Variants in GABRG3 observed in about 807,000 individuals in gnomAD.
GABRG3 encodes gamma-aminobutyric acid receptor subunit gamma-3.
In GABRG3, 25 loss-of-function variants were observed where a neutral mutation model predicts 48.8. The ratio of observed to expected loss-of-function variants is 0.51; its 90% CI spans 0.37 to 0.72. The LOEUF (loss-of-function observed/expected upper bound fraction) is 0.72, where lower values mean the gene tolerates loss of function less well. Among genes scored for constraint, GABRG3 ranks in the 30% least tolerant of loss-of-function variants. The pLI, the probability that GABRG3 is intolerant of heterozygous loss-of-function variation, is 0.00. For missense variants in GABRG3, 394 were observed against 577.9 expected, an observed-to-expected ratio of 0.68 and a Z score of 3.26; for synonymous variants, 227 against 217.6, an observed-to-expected ratio of 1.04 and a Z score of -0.38.
At chr15:27,048,581 G>T (rs1234372667) in intron 3 of GABRG3, among the ~76,000 whole-genome samples, 3 of 152,108 alleles carry the variant, frequency 2.0e-5, no homozygotes, top group Non-Finnish European at 2.9e-5. Flanking sequence ...AAAACAGGCA[G>T]GTTTCGGTCC....
intron 2 of GABRG3, among the ~76,000 whole-genome samples, chr15:26,996,547 T>G (rs1477537777): frequency 1.3e-5 from 2 of 152,124 alleles, no homozygotes; most frequent in Admixed American, 1.3e-4. Flanking sequence ...ATGAATTCCT[T>G]TGTGTTTTTC....
At chr15:27,073,776 G>A (rs997174276) in intron 3 of GABRG3, among the ~76,000 whole-genome samples, 4 of 152,202 alleles carry the variant, frequency 2.6e-5, no homozygotes, top group African/African-American at 7.2e-5. Context: ...CCTTCTGCAA[G>A]GTGGAGATTG....
At chr15:27,440,732 C>G (rs1387667684) in intron 5 of GABRG3, among the ~76,000 whole-genome samples, 1 of 152,102 alleles carries the variant, frequency 6.6e-6, no homozygotes, top group East Asian at 1.9e-4. Flanking sequence ...ATGAGAGATT[C>G]ATTATTTTGT....
At chr15:27,277,156 G>GTA (rs1891283193) in intron 3 of GABRG3, among the ~76,000 whole-genome samples, 1 of 152,242 alleles carries the variant, frequency 6.6e-6, no homozygotes, top group African/African-American at 2.4e-5. Context: ...GCAGGTCCAT[G>GTA]TATAGGCTGG....
intron 3 of GABRG3, among the ~76,000 whole-genome samples, chr15:27,218,718 T>A (rs1889348703): frequency 6.6e-6 from 1 of 152,166 alleles, no homozygotes; most frequent in Non-Finnish European, 1.5e-5. Flanking sequence ...GGGTTTTTCA[T>A]ATAAGGAAAT....
At position 27,532,969 on chromosome 15, in the gene GABRG3, C is replaced by G; in HGVS notation, c.*88C>G. On this transcript the variant is annotated 3_prime_UTR_variant, in exon 10 of 10. Coordinates refer to ENST00000615808, the MANE Select transcript of GABRG3 (RefSeq NM_033223.5). ...ACCAGTAGTGACCAATCGGGAGTAG[C>G]AAGGAAGGACACTGCCCAGTGTATC... 1 of 1,229,774 alleles carries G rather than the reference C, an allele frequency of 8.1e-7. No homozygotes were observed. The highest frequency in any genetic ancestry group is 1.1e-6 in the Non-Finnish European group (1 of 879,330). 76.2% of individuals were successfully genotyped at this position (1,229,774 alleles called of 1,614,324 possible).
chr15:27,463,135 A>T (rs1314656331), intron 5 of GABRG3, among the ~76,000 whole-genome samples: 1 of 152,234 alleles, frequency 6.6e-6, no homozygotes, highest in African/African-American at 2.4e-5. Context: ...AAATTAATAC[A>T]TAAGGTTTAA....
chr15:27,133,347 C>T (rs1032404560), intron 3 of GABRG3, among the ~76,000 whole-genome samples: 5 of 152,186 alleles, frequency 3.3e-5, no homozygotes, highest in African/African-American at 1.2e-4. Flanking sequence ...GGGTTCTCCA[C>T]TTCCACATGC....
chr15:27,004,058 CGGCTGACCCGGCGGGG>C (rs1250158731), intron 2 of GABRG3, among the ~76,000 whole-genome samples: 27 of 146,408 alleles, frequency 1.8e-4, no homozygotes, highest in African/African-American at 6.4e-4. Flanking sequence ...CCGGACGGGG[CGGCTGACCCGGCGGGG>C]GGCTGACCCC....
At chr15:27,219,439 G>GAC (rs1243122093) in intron 3 of GABRG3, among the ~76,000 whole-genome samples, 1 of 152,202 alleles carries the variant, frequency 6.6e-6, no homozygotes, top group Admixed American at 6.5e-5. Context: ...AACTGAGTGA[G>GAC]ACACATTCTG....
At chr15:27,239,231 A>AT (rs1469325229) in intron 3 of GABRG3, among the ~76,000 whole-genome samples, 1 of 152,234 alleles carries the variant, frequency 6.6e-6, no homozygotes, top group East Asian at 1.9e-4. Context: ...TTGAAGAAGT[A>AT]TTTTTTTGTC....
chr15:27,507,245 C>T (rs1374890160), intron 6 of GABRG3, among the ~76,000 whole-genome samples: 1 of 152,110 alleles, frequency 6.6e-6, no homozygotes, highest in Non-Finnish European at 1.5e-5. Context: ...TGGCTCACAC[C>T]TGTAATCCCA....
In GABRG3 at chr15:27,265,882, G is replaced by GTT. The variant is rs57522857; in HGVS notation, c.271-60913_271-60912dup. Among the ~76,000 whole-genome samples the GTT allele has an allele frequency of 4.6e-3, 581 of 127,588 alleles. 52 individuals carry two copies. Among genetic ancestry groups the GTT allele is most frequent in the African/African-American group, 0.018 (526 of 29,450 alleles). 83.7% of individuals were successfully genotyped at this position (127,588 alleles called of 152,430 possible). On this transcript the variant is annotated intron_variant, in intron 3 of 9. Transcript: ENST00000615808. ...GCAAGGTCAAGAAGATTTTCTCCTG[G>GTT]TTTTTTTTTTTTTTTGAGAGTGACC... is the stretch of plus-strand genomic sequence containing the variant.
At chr15:27,344,580 T>C (rs1303735524) in intron 5 of GABRG3, among the ~76,000 whole-genome samples, 1 of 152,246 alleles carries the variant, frequency 6.6e-6, no homozygotes, top group Non-Finnish European at 1.5e-5. Context: ...TAAAGTTATT[T>C]TGATCATTGT....
intron 3 of GABRG3, among the ~76,000 whole-genome samples, chr15:27,217,819 C>T (rs1688143760): frequency 6.6e-6 from 1 of 152,074 alleles, no homozygotes; most frequent in East Asian, 1.9e-4. Context: ...TGGGCACACC[C>T]TGAGGTTAGA....
intron 2 of GABRG3, among the ~76,000 whole-genome samples, chr15:26,983,348 G>T (rs935582159): frequency 2.6e-5 from 4 of 152,090 alleles, no homozygotes; most frequent in Admixed American, 6.5e-5. Context: ...CCCCCGGGAG[G>T]CTCTCCACAC....
intron 3 of GABRG3, among the ~76,000 whole-genome samples, chr15:27,234,794 C>T (rs187704700): frequency 1.6e-4 from 25 of 152,222 alleles, no homozygotes; most frequent in East Asian, 7.7e-4. Context: ...TCATGAATGA[C>T]GTAATAATTA....
intron 3 of GABRG3, among the ~76,000 whole-genome samples, chr15:27,189,534 G>C (rs1013933096): frequency 1.5e-4 from 22 of 151,458 alleles, no homozygotes; most frequent in African/African-American, 5.1e-4. Context: ...CTGTTTGTCT[G>C]TTATTGGTGT....
Position 27,236,243 on chromosome 15 carries a change from C to T in GABRG3, c.271-90566C>T, listed in dbSNP as rs1394334478. ...TGTGGAGACTCTGATGTGCTCAGCG[C>T]TACATGAGTGAAGTCCCTCAGTCTC... On this transcript the variant is annotated intron_variant, in intron 3 of 9. Coordinates refer to ENST00000615808, the MANE Select transcript of GABRG3 (RefSeq NM_033223.5). The surrounding 1 kb of genome is among the most constrained non-coding windows in gnomAD (Gnocchi z 4.4). Among the ~76,000 whole-genome samples the T allele has an allele frequency of 1.3e-5, 2 of 152,148 alleles. No individual in the cohort carries two copies. Among genetic ancestry groups the T allele is most frequent in the Non-Finnish European group, 2.9e-5 (2 of 68,018 alleles).
Sources: gnomAD v4.1 joint callset for allele counts (sites outside exome capture counted in the v4.1 genomes callset) on GRCh38, gnomAD v4.1.1 for gene constraint, Gnocchi (gnomAD v3.1) non-coding constraint, MANE v1.5 for transcripts, NCBI Gene and HGNC (gene_info 2026-07-23, HGNC 2026-07-21) for gene names.